The following FARS2 variants were observed in gnomAD, a reference collection of about 807,000 sequenced individuals.
The protein encoded by FARS2 is phenylalanyl-tRNA synthetase 2, mitochondrial, also known as phenylalanine--tRNA ligase, mitochondrial.
In FARS2, 40 loss-of-function variants were observed where a neutral mutation model predicts 46.4. The ratio of observed to expected loss-of-function variants is 0.86; its 90% confidence interval spans 0.67 to 1.12. FARS2 has a LOEUF of 1.12. FARS2 is among the 50% of genes most tolerant of loss of function. The pLI is 0.00. For missense variants in FARS2, 513 were observed against 567.9 expected, an observed-to-expected ratio of 0.90 and a Z score of 0.98; for synonymous variants, 234 against 214.9, an observed-to-expected ratio of 1.09 and a Z score of -0.78.
chr6:5,494,365 C>A (rs949716859), intron 4 of FARS2, among the ~76,000 whole-genome samples: 1 of 152,216 alleles, frequency 6.6e-6, no homozygotes, highest in African/African-American at 2.4e-5. Flanking sequence ...GCCTGCCAAG[C>A]TCCTGTAGCC....
At chr6:5,541,634 G>T (rs1454716636) in intron 4 of FARS2, among the ~76,000 whole-genome samples, 1 of 151,898 alleles carries the variant, frequency 6.6e-6, no homozygotes, top group Non-Finnish European at 1.5e-5. Context: ...TTTATTACTA[G>T]GTCATATTCT....
At chr6:5,372,493 A>G (rs1581914856) in intron 2 of FARS2, among the ~76,000 whole-genome samples, 1 of 152,300 alleles carries the variant, frequency 6.6e-6, no homozygotes, top group East Asian at 1.9e-4. Context: ...AGTCTAAACA[A>G]ATGTCAAAGA....
At chr6:5,479,816 A>G (rs1163180441) in intron 4 of FARS2, among the ~76,000 whole-genome samples, 1 of 152,246 alleles carries the variant, frequency 6.6e-6, no homozygotes, top group Non-Finnish European at 1.5e-5. Context: ...AAAGCAGTTA[A>G]GCCAAAACCC....
chr6:5,389,899 C>T (rs1450537923), intron 2 of FARS2, among the ~76,000 whole-genome samples: 1 of 152,118 alleles, frequency 6.6e-6, no homozygotes, highest in Non-Finnish European at 1.5e-5. Flanking sequence ...GGGTGTCTCT[C>T]TGTCACCCAA....
intron 6 of FARS2, among the ~76,000 whole-genome samples, chr6:5,625,499 C>A (rs575084085): frequency 2.0e-5 from 3 of 152,122 alleles, no homozygotes; most frequent in Admixed American, 1.3e-4. Context: ...GGGATGAGGT[C>A]AGCCCCGGGG....
chr6:5,578,608 C>A (rs1399760733), intron 5 of FARS2, among the ~76,000 whole-genome samples: 1 of 151,866 alleles, frequency 6.6e-6, no homozygotes. Context: ...AGGAGATCGA[C>A]ACCATCCTGG....
intron 2 of FARS2, among the ~76,000 whole-genome samples, chr6:5,394,147 TG>T (rs1760751271): frequency 6.6e-6 from 1 of 152,232 alleles, no homozygotes; most frequent in Admixed American, 6.5e-5. Flanking sequence ...CTGAAATAAA[TG>T]TATGTGTGTA....
intron 5 of FARS2, among the ~76,000 whole-genome samples, chr6:5,549,683 A>C (rs144019844): frequency 6.6e-6 from 1 of 152,198 alleles, no homozygotes; most frequent in African/African-American, 2.4e-5. Flanking sequence ...TTTAATACAA[A>C]TTAATTCTCT....
chr6:5,771,472 G>A lies in FARS2; in HGVS notation c.*43G>A, dbSNP rs1481113911. On this transcript the variant is annotated 3_prime_UTR_variant, in exon 7 of 7. Coordinates refer to ENST00000274680, the MANE Select transcript of FARS2 (RefSeq NM_006567.5). The stretch of plus-strand genomic sequence containing the variant: ...GGCTGCAGCCCTCTTGGGGCTCCAG[G>A]ATTTGCTGAAAGAGAAAAAGATATG... 1 of 1,571,458 alleles carries A rather than the reference G, an allele frequency of 6.4e-7. No individual in the cohort carries two copies. Among genetic ancestry groups the A allele is most frequent in the Non-Finnish European group, 8.6e-7 (1 of 1,163,940 alleles).
Position 5,512,568 on chromosome 6 carries a change from C to T in FARS2, c.905-32612C>T, listed in dbSNP as rs558903763. Among the ~76,000 whole-genome samples the T allele has an allele frequency of 6.6e-5, 10 of 151,930 alleles. 1 individual carries two copies. The highest frequency in any genetic ancestry group is 1.7e-4 in the African/African-American group (7 of 41,424). On this transcript the variant is annotated intron_variant, in intron 4 of 6. Coordinates refer to ENST00000274680, the MANE Select transcript of FARS2 (RefSeq NM_006567.5). Reference sequence around the variant, plus strand: ...CCTAAGCTAAGGTAGATGGTTTGCCCGTCAATTATTTGTCCATCCATTTAG... The same window carrying T: ...CCTAAGCTAAGGTAGATGGTTTGCCTGTCAATTATTTGTCCATCCATTTAG...
chr6:5,575,257 C>A (rs1003399304), intron 5 of FARS2, among the ~76,000 whole-genome samples: 1 of 152,194 alleles, frequency 6.6e-6, no homozygotes, highest in Non-Finnish European at 1.5e-5. Context: ...AGACCATCAC[C>A]TTGTTCAACA....
chr6:5,758,199 GT>G (rs1037515145), intron 6 of FARS2, among the ~76,000 whole-genome samples: 63 of 147,728 alleles, frequency 4.3e-4, no homozygotes, highest in Admixed American at 1.6e-3. Context: ...AATGCAGCCA[GT>G]TTTTTTTTTT....
intron 5 of FARS2, among the ~76,000 whole-genome samples, chr6:5,602,498 T>G (rs1774579084): frequency 6.6e-6 from 1 of 151,510 alleles, no homozygotes; most frequent in Non-Finnish European, 1.5e-5. Context: ...AATAGAAAAA[T>G]TAGCTGGGCG....
At chr6:5,346,279 G>A (rs1243657107) in intron 1 of FARS2, among the ~76,000 whole-genome samples, 1 of 152,146 alleles carries the variant, frequency 6.6e-6, no homozygotes, top group Admixed American at 6.5e-5. Context: ...ATTCACTGAG[G>A]CCCATAGTAC....
At chr6:5,514,736 A>G (rs1033962669) in intron 4 of FARS2, among the ~76,000 whole-genome samples, 3 of 151,234 alleles carry the variant, frequency 2.0e-5, no homozygotes, top group African/African-American at 7.3e-5. Flanking sequence ...CAAATTGTAC[A>G]TTCTTAATCT....
chr6:5,279,125 C>T (rs962752212), intron 1 of FARS2, among the ~76,000 whole-genome samples: 1 of 151,854 alleles, frequency 6.6e-6, no homozygotes, highest in Admixed American at 6.6e-5. Flanking sequence ...TGCCTGTAAC[C>T]CCAGCATTTT....
chr6:5,603,630 G>A (rs1039610154), intron 5 of FARS2, among the ~76,000 whole-genome samples: 24 of 152,288 alleles, frequency 1.6e-4, no homozygotes, highest in African/African-American at 4.3e-4. Flanking sequence ...TTGCAGGAGC[G>A]TTATCCCAGC....
At chr6:5,669,524 C>T (rs1483467190) in intron 6 of FARS2, among the ~76,000 whole-genome samples, 1 of 152,126 alleles carries the variant, frequency 6.6e-6, no homozygotes, top group African/African-American at 2.4e-5. Context: ...GGGAGAGCCA[C>T]CGTATACGTC....
Position 5,351,853 on chromosome 6 carries a change from G to A in FARS2, c.-21-16697G>A, listed in dbSNP as rs574691682. The stretch of plus-strand genomic sequence containing the variant: ...TTTATTGCAGAAGCCCCTTAGTGTT[G>A]GACAGTCAAGTTGTTTCTAATTAGG... On this transcript the variant is annotated intron_variant, in intron 1 of 6. Coordinates refer to ENST00000274680, the MANE Select transcript of FARS2 (RefSeq NM_006567.5). Among the ~76,000 whole-genome samples the A allele has an allele frequency of 1.5e-4, 23 of 152,220 alleles. No individual in the cohort carries two copies. The South Asian group carries it at 3.9e-3, about 26-fold the overall frequency.
Sources: gnomAD v4.1 joint callset for allele counts (sites outside exome capture counted in the v4.1 genomes callset) on GRCh38, gnomAD v4.1.1 for gene constraint, MANE v1.5 for transcripts, NCBI Gene and HGNC (gene_info 2026-07-23, HGNC 2026-07-21) for gene names.